The following SLC4A4 variants were observed in gnomAD, a reference collection of about 807,000 sequenced individuals.
SLC4A4 encodes solute carrier family 4 member 4.
SLC4A4 carries 27 observed loss-of-function variants against 111.5 expected under a neutral mutation model. That is an observed-to-expected ratio of 0.24 (90% CI 0.18 to 0.33). SLC4A4 has a LOEUF of 0.33. Ranked by LOEUF, SLC4A4 falls within the 10% of genes least tolerant of loss-of-function variation. The probability of loss-of-function intolerance (pLI) is 1.00; values close to 1 mark genes in which losing one functional copy is unlikely to be tolerated. For missense variants in SLC4A4, 909 were observed against 1,315.5 expected, an observed-to-expected ratio of 0.69 and a Z score of 4.78; for synonymous variants, 443 against 463.4, an observed-to-expected ratio of 0.96 and a Z score of 0.57.
intron 6 of SLC4A4, among the ~76,000 whole-genome samples, chr4:71,365,876 G>A (rs1731204575): frequency 6.6e-6 from 1 of 152,126 alleles, no homozygotes; most frequent in Non-Finnish European, 1.5e-5. Context: ...TCTAAGCATA[G>A]TAAATGGAGG....
chr4:71,356,411 C>A (rs1017806427), intron 5 of SLC4A4, among the ~76,000 whole-genome samples: 1 of 152,118 alleles, frequency 6.6e-6, no homozygotes, highest in African/African-American at 2.4e-5. Flanking sequence ...TCAGTTGGAT[C>A]TGAACAATAA....
At chr4:71,433,295 T>C (rs1723814081) in intron 7 of SLC4A4, among the ~76,000 whole-genome samples, 1 of 151,658 alleles carries the variant, frequency 6.6e-6, no homozygotes, top group Non-Finnish European at 1.5e-5. Context: ...CCCTAGTTAG[T>C]ATTGATAAAC....
intron 2 of SLC4A4, among the ~76,000 whole-genome samples, chr4:71,094,775 C>T (rs76759845): frequency 0.018 from 2,756 of 150,862 alleles, 94 homozygotes; most frequent in African/African-American, 0.064. Flanking sequence ...GTGTGTGGTT[C>T]ACGAGTCCTC....
chr4:71,071,618 C>A (rs1741666151), intron 1 of SLC4A4, among the ~76,000 whole-genome samples: 1 of 152,116 alleles, frequency 6.6e-6, no homozygotes, highest in African/African-American at 2.4e-5. Context: ...CTTAAGTTAT[C>A]CTTCCAGAGA....
chr4:71,553,097 G>C (rs1263569254), intron 20 of SLC4A4, among the ~76,000 whole-genome samples: 1 of 151,776 alleles, frequency 6.6e-6, no homozygotes. Context: ...ATTATCATAA[G>C]GAAAATGGCA....
At position 71,571,313 on chromosome 4, in the gene SLC4A4, G is replaced by C. The variant is rs1221066396; in HGVS notation, c.*3562G>C. 6.6e-6 allele frequency: 1 copy of C among 152,114 alleles called. No individual in the cohort carries two copies. The highest frequency in any genetic ancestry group is 1.5e-5 in the Non-Finnish European group (1 of 67,856). 9.4% of individuals were successfully genotyped at this position (152,114 alleles called of 1,614,324 possible). On this transcript the variant is annotated 3_prime_UTR_variant, in exon 26 of 26. Coordinates refer to ENST00000264485, the MANE Select transcript of SLC4A4 (RefSeq NM_001098484.3). ...TTGGTGCAGGAACCTGAGATTTTCTGATTTATATTTCATGATATTTCACAT... is the reference window on the plus strand; with the variant it reads ...TTGGTGCAGGAACCTGAGATTTTCTCATTTATATTTCATGATATTTCACAT...
At chr4:71,442,277 CT>C (rs1414243156) in intron 8 of SLC4A4, among the ~76,000 whole-genome samples, 1 of 151,966 alleles carries the variant, frequency 6.6e-6, no homozygotes, top group East Asian at 1.9e-4. Context: ...TAACTTTTTT[CT>C]TTTATAATGG....
At chr4:71,450,628 C>A in intron 10 of SLC4A4, 85 bp downstream of exon 10, 2 of 1,265,508 alleles carry the variant, frequency 1.6e-6, no homozygotes, top group Non-Finnish European at 2.2e-6. Flanking sequence ...TGAAGTCAAC[C>A]TGTTGTTCTA....
intron 1 of SLC4A4, among the ~76,000 whole-genome samples, chr4:71,214,567 C>A (rs898887073): frequency 6.6e-6 from 1 of 152,016 alleles, no homozygotes; most frequent in African/African-American, 2.4e-5. Context: ...CTCTTGCGGG[C>A]TTTTGATTTT....
rs375734414 is a variant in SLC4A4, at chr4:71,375,840, C to T, written c.730+18653C>T. 3.0e-4 allele frequency among the ~76,000 whole-genome samples: 45 copies of T among 151,902 alleles called. 1 individual carries two copies. In the South Asian group the frequency reaches 6.0e-3, roughly 20 times the overall value. On this transcript the variant is annotated intron_variant, in intron 6 of 25. Transcript: ENST00000264485. ...TATAGCTGCTTTCATGCTACAATGA[C>T]GGAGTAGTGGCGGAGATCATGTAGC...
chr4:71,434,007 T>C (rs1211196401), intron 7 of SLC4A4, among the ~76,000 whole-genome samples: 1 of 152,034 alleles, frequency 6.6e-6, no homozygotes, highest in Non-Finnish European at 1.5e-5. Flanking sequence ...AGTATGATAC[T>C]ATTTATAAAG....
At chr4:71,148,699 C>T (rs1308961320) in intron 2 of SLC4A4, among the ~76,000 whole-genome samples, 3 of 152,122 alleles carry the variant, frequency 2.0e-5, no homozygotes, top group Non-Finnish European at 4.4e-5. Flanking sequence ...GCCTCCAGCT[C>T]CATCCATGTT....
At chr4:71,429,891 G>A (rs1577881329) in intron 7 of SLC4A4, among the ~76,000 whole-genome samples, 1 of 152,094 alleles carries the variant, frequency 6.6e-6, no homozygotes, top group Non-Finnish European at 1.5e-5. Context: ...ATCTTTTATT[G>A]TTCTTTATAT....
chr4:71,376,350 C>T (rs1374593054), intron 6 of SLC4A4, among the ~76,000 whole-genome samples: 1 of 150,546 alleles, frequency 6.6e-6, no homozygotes, highest in East Asian at 2.0e-4. Context: ...TACGGGCACC[C>T]GCCACCATGC....
chr4:71,452,352 T>G (rs779664245), intron 11 of SLC4A4, among the ~76,000 whole-genome samples: 1 of 152,226 alleles, frequency 6.6e-6, no homozygotes, highest in South Asian at 2.1e-4. Flanking sequence ...CAGACATGAG[T>G]TCTGGGCTTT....
intron 12 of SLC4A4, among the ~76,000 whole-genome samples, chr4:71,459,064 T>C (rs1431613475): frequency 1.3e-5 from 2 of 152,078 alleles, no homozygotes; most frequent in Non-Finnish European, 2.9e-5. Flanking sequence ...CTATTTCTTC[T>C]TTAAAGAAGC....
chr4:71,212,857 T>A (rs945280644), intron 1 of SLC4A4, among the ~76,000 whole-genome samples: 8 of 152,146 alleles, frequency 5.3e-5, no homozygotes, highest in African/African-American at 1.7e-4. Flanking sequence ...GTAAATACAG[T>A]CATTCCTTGC....
At chr4:71,456,631 A>G (rs1726294397) in intron 12 of SLC4A4, among the ~76,000 whole-genome samples, 1 of 152,154 alleles carries the variant, frequency 6.6e-6, no homozygotes, top group Non-Finnish European at 1.5e-5. Flanking sequence ...TTCCTTGCAA[A>G]TATTTATGGA....
intron 7 of SLC4A4, among the ~76,000 whole-genome samples, chr4:71,410,876 C>T (rs1024598518): frequency 6.6e-6 from 1 of 152,028 alleles, no homozygotes; most frequent in Non-Finnish European, 1.5e-5. Flanking sequence ...TTGAAAATAA[C>T]AAGCCACTAG....
Sources: gnomAD v4.1 joint callset for allele counts (sites outside exome capture counted in the v4.1 genomes callset) on GRCh38, gnomAD v4.1.1 for gene constraint, MANE v1.5 for transcripts, NCBI Gene and HGNC (gene_info 2026-07-23, HGNC 2026-07-21) for gene names.